CCDC74A: variants seen among roughly 807,000 people sequenced by gnomAD.
The protein encoded by CCDC74A is coiled-coil domain containing 74A, also known as coiled-coil domain-containing protein 74A.
A neutral mutation model predicts 37.6 loss-of-function variants in CCDC74A; 38 were observed. That is an observed-to-expected ratio of 1.01 (90% CI 0.78 to 1.33). The LOEUF is 1.33. Among genes scored for constraint, CCDC74A ranks in the 40% most tolerant of loss-of-function variants. CCDC74A has a pLI of 0.00. For synonymous variants in CCDC74A, 134 were observed against 165.2 expected (o/e 0.81, Z 1.45); for missense variants, 340 against 403.4 (o/e 0.84, Z 1.35).
chr2:131,529,579 G>A (rs1466561410), intron 1 of CCDC74A, 68 bp from the exon 2 acceptor site: 1 of 1,604,616 alleles, frequency 6.2e-7, no homozygotes, highest in African/African-American at 1.3e-5. Context: ...GAGAGGACAG[G>A]CCAGGCTTCT....
Position 131,529,782 on chromosome 2 carries a change from C to T in CCDC74A, c.295+91C>T. The T allele has an allele frequency of 5.7e-6, 9 of 1,566,962 alleles. 1 individual carries two copies. The highest frequency in any genetic ancestry group is 7.8e-6 in the Non-Finnish European group (9 of 1,155,310). ...GTCCTTGCCCACCTGGCTGCACTGG[C>T]CCCTGTATGCCAACCCAGTGGGTAC... On this transcript the variant is annotated intron_variant, in intron 2 of 7. Transcript: ENST00000409856.
At chr2:131,525,237 C>G (rs547540925), upstream of CCDC74A, among the ~76,000 whole-genome samples, 1 of 152,194 alleles carries the variant, frequency 6.6e-6, no homozygotes, top group East Asian at 1.9e-4. Flanking sequence ...TTTTTTAGAT[C>G]CAAATTTCCT....
chr2:131,529,138 C>G (rs1680742952), intron 1 of CCDC74A: 3 of 212,032 alleles, frequency 1.4e-5, no homozygotes, highest in Non-Finnish European at 1.9e-5. Flanking sequence ...GGCACCAGTG[C>G]CCGCGGCCTC....
At chr2:131,526,162 T>TC (rs34487631), upstream of CCDC74A, among the ~76,000 whole-genome samples, 1 of 150,000 alleles carries the variant, frequency 6.7e-6, no homozygotes, top group Non-Finnish European at 1.5e-5. Flanking sequence ...TTTTTTTTTT[T>TC]CTGAGATGGA....
At chr2:131,528,478 C>T (rs1300282605) in intron 1 of CCDC74A, 3 of 1,522,944 alleles carry the variant, frequency 2.0e-6, no homozygotes, top group South Asian at 1.2e-5. Flanking sequence ...CGCCAATCCT[C>T]TCCTCTCCAA....
In CCDC74A at chr2:131,529,684, GAAGA is replaced by G. The variant is rs1559413186; in HGVS notation, c.292_295del (p.Lys98ThrfsTer96). ...AGCTCATAATGAATCAGACATCACA[GAAGA>G]AAGGTGAGAACTGGGCCCTTCAGTG... On this transcript the variant is annotated frameshift_variant, in exon 2 of 8. Transcript: ENST00000409856. LOFTEE classifies it high-confidence loss of function. 5 of 1,613,890 alleles carry G rather than the reference GAAGA, an allele frequency of 3.1e-6. No homozygotes were observed. The Admixed American group carries it at 5.0e-5, about 16-fold the overall frequency.
Position 131,531,793 on chromosome 2 carries a change from G to A in CCDC74A, c.476G>A (p.Gly159Glu). Residue 159 changes from glycine (G) to glutamate (E), a missense_variant, in exon 4 of 8, where the codon GGG becomes GAG. Physicochemically the swap from Gly to Glu is moderately conservative, Grantham distance 98 (BLOSUM62 -2). Around this residue, in one of 3 missense-constraint regions of CCDC74A, gnomAD observed 185 missense variants for 231.5 expected, o/e 0.80. Coordinates refer to ENST00000409856, the MANE Select transcript of CCDC74A (RefSeq NM_001258306.3). ...CTGGACAAAGTTCCTGGGGTACAAG[G>A]GCAGGCCAGGTAAGGCTTGGGTGTT... ...SKLDKVPGVQ[G>E]QARKEKAEAS... 6.6e-7 allele frequency: 1 copy of A among 1,507,232 alleles called. No homozygotes were observed. The allele number at this position is 1,507,232 out of a possible 1,614,324, so 93.4% of individuals were successfully genotyped here.
At chr2:131,524,533 C>T (rs1680226940), upstream of CCDC74A, among the ~76,000 whole-genome samples, 2 of 152,136 alleles carry the variant, frequency 1.3e-5, no homozygotes, top group African/African-American at 4.8e-5. Context: ...CCTCCAAATA[C>T]TGGGGATCTG....
In CCDC74A at chr2:131,533,454, T is replaced by G; in HGVS notation, c.*56T>G. Reference sequence around the variant, plus strand: ...CCAACCTGCAGCTGGAGACTGGCTCTCTATAGCATTTCCTGATACTTCCGC... The same window carrying G: ...CCAACCTGCAGCTGGAGACTGGCTCGCTATAGCATTTCCTGATACTTCCGC... On this transcript the variant is annotated 3_prime_UTR_variant, in exon 8 of 8. Coordinates refer to ENST00000409856, the MANE Select transcript of CCDC74A (RefSeq NM_001258306.3). The G allele has an allele frequency of 1.9e-6, 3 of 1,598,152 alleles. No homozygotes were observed. Among genetic ancestry groups the G allele is most frequent in the Non-Finnish European group, 2.6e-6 (3 of 1,169,700 alleles).
At chr2:131,524,514 G>A (rs967055816), upstream of CCDC74A, among the ~76,000 whole-genome samples, 8 of 152,126 alleles carry the variant, frequency 5.3e-5, no homozygotes, top group Non-Finnish European at 8.8e-5. Flanking sequence ...CGGGCAATAA[G>A]AGCCCCATCC....
At chr2:131,527,030 A>ATTT (rs35146706), upstream of CCDC74A, among the ~76,000 whole-genome samples, 1 of 136,270 alleles carries the variant, frequency 7.3e-6, no homozygotes, top group African/African-American at 2.7e-5. Context: ...CCTGGCTGTG[A>ATTT]TTTTTTTTTT....
chr2:131,532,767 C>G lies in CCDC74A; in HGVS notation c.664C>G (p.Leu222Val), dbSNP rs757536484. Reference protein sequence around the residue: ...LIRELWNTNLLQTQELRHLKS... With the variant: ...LIRELWNTNLVQTQELRHLKS... The stretch of plus-strand genomic sequence containing the variant: ...CCGCGAGCTGTGGAATACCAACCTC[C>G]TGCAGACCCAAGAGGTGAGGCCCTG... Residue 222 changes from leucine to valine, a missense_variant, in exon 5 of 8, where the codon CTG (leucine) becomes GTG (valine). Around this residue, in one of 3 missense-constraint regions of CCDC74A, gnomAD observed 185 missense variants for 231.5 expected, o/e 0.80. Coordinates refer to ENST00000409856, the MANE Select transcript of CCDC74A (RefSeq NM_001258306.3). The G allele has an allele frequency of 4.3e-6, 7 of 1,613,490 alleles. No individual in the cohort carries two copies. In the South Asian group the frequency reaches 6.6e-5, roughly 15 times the overall value.
rs1681657632 is a variant in CCDC74A at position 131,533,088 on chromosome 2, G to A, written c.809+19G>A. On this transcript the variant is annotated intron_variant, in intron 7 of 7. Transcript: ENST00000409856. ...AGAAATGGTAAGTCCCACAGGCATG[G>A]GGACAGTGGGGCAGCCCTGCAGCCT... The A allele has an allele frequency of 6.2e-7, 1 of 1,613,582 alleles. No individual in the cohort carries two copies. Among genetic ancestry groups the A allele is most frequent in the Non-Finnish European group, 8.5e-7 (1 of 1,179,736 alleles).
chr2:131,530,702 C>T (rs1214014893), intron 2 of CCDC74A, 75 bp from the exon 3 acceptor site: 2 of 1,613,324 alleles, frequency 1.2e-6, no homozygotes, highest in Non-Finnish European at 8.5e-7. Flanking sequence ...GAGGGCTCCT[C>T]ACGGACACAC....
chr2:131,531,357 C>T (rs186220614), intron 3 of CCDC74A, among the ~76,000 whole-genome samples: 29 of 151,428 alleles, frequency 1.9e-4, no homozygotes, highest in African/African-American at 2.9e-4. Flanking sequence ...TTGTCCTTGC[C>T]GAGGAAACCC....
In CCDC74A at chr2:131,530,445, G is replaced by A. The variant is rs1681047301; in HGVS notation, c.296-332G>A. 3 of 1,546,748 alleles carry A rather than the reference G, an allele frequency of 1.9e-6. No homozygotes were observed. In the East Asian group the frequency reaches 7.4e-5, roughly 38 times the overall value. On this transcript the variant is annotated intron_variant, in intron 2 of 7. Coordinates refer to ENST00000409856, the MANE Select transcript of CCDC74A (RefSeq NM_001258306.3). Reference sequence around the variant, plus strand: ...GCCGCTGTGGCAACTCCAGTGAGCTGTTCTGGGCAAAGTGTGGCCCAAGTC... The same window carrying A: ...GCCGCTGTGGCAACTCCAGTGAGCTATTCTGGGCAAAGTGTGGCCCAAGTC...
At chr2:131,533,164 C>T in intron 7 of CCDC74A, 95 bp downstream of exon 7, 3 of 1,608,058 alleles carry the variant, frequency 1.9e-6, no homozygotes, top group Non-Finnish European at 2.5e-6. Flanking sequence ...AGAAGCAGAG[C>T]TCGCTGAGGC....
rs1416558423 is a variant in CCDC74A at position 131,528,399 on chromosome 2, C to G, written c.250+179C>G. ...TCCCCTCCTCCCAGAGGGAGACCCG[C>G]GTGGCCCCCGGGCAGTGCCGACCCT... On this transcript the variant is annotated intron_variant, in intron 1 of 7. Transcript: ENST00000409856. The G allele has an allele frequency of 5.2e-6, 8 of 1,550,498 alleles. No homozygotes were observed. The South Asian group carries it at 9.5e-5, about 18-fold the overall frequency.
chr2:131,528,604 A>G, intron 1 of CCDC74A: 2 of 827,198 alleles, frequency 2.4e-6, no homozygotes, highest in Non-Finnish European at 2.0e-6. Flanking sequence ...AGGTCAGGAG[A>G]TCGAGACCAT....
Sources: gnomAD v4.1 joint callset for allele counts (sites outside exome capture counted in the v4.1 genomes callset) on GRCh38, gnomAD v4.1.1 for gene constraint, gnomAD v4.1.1 regional missense constraint, MANE v1.5 for transcripts, NCBI Gene and HGNC (gene_info 2026-07-23, HGNC 2026-07-21) for gene names.